Variants in ASIC2 observed in about 807,000 individuals in gnomAD.
ASIC2 encodes the protein acid sensing ion channel subunit 2.
ASIC2 carries 25 observed loss-of-function variants against 57.3 expected under a neutral mutation model. The observed-to-expected ratio is 0.44, with a 90% CI of 0.32 to 0.61. The LOEUF is 0.61. Ranked by LOEUF, ASIC2 falls within the 20% of genes least tolerant of loss-of-function variation. The pLI, the probability that ASIC2 is intolerant of heterozygous loss-of-function variation, is 0.06. For synonymous variants in ASIC2, 319 were observed against 307.5 expected (o/e 1.04, Z -0.39); for missense variants, 641 against 738.1 (o/e 0.87, Z 1.52).
chr17:33,073,560 G>A (rs910180849), intron 3 of ASIC2, among the ~76,000 whole-genome samples: 1 of 152,118 alleles, frequency 6.6e-6, no homozygotes, highest in Non-Finnish European at 1.5e-5. Flanking sequence ...GCTGGTGCAC[G>A]GTGCTCACTC....
chr17:33,846,331 G>T (rs1913599185), intron 1 of ASIC2, among the ~76,000 whole-genome samples: 1 of 152,118 alleles, frequency 6.6e-6, no homozygotes, highest in Non-Finnish European at 1.5e-5. Context: ...GCATGCCCCA[G>T]TCTCTATCAA....
intron 1 of ASIC2, among the ~76,000 whole-genome samples, chr17:33,155,307 G>T (rs1369309164): frequency 5.3e-5 from 8 of 152,222 alleles, no homozygotes; most frequent in East Asian, 1.9e-4. Flanking sequence ...TGGCAGCAAG[G>T]GTTCCTGATG....
chr17:33,371,725 A>T (rs529591160), intron 1 of ASIC2, among the ~76,000 whole-genome samples: 1 of 152,198 alleles, frequency 6.6e-6, no homozygotes. Context: ...AGAGGGTGAA[A>T]ATAAAAGAGA....
intron 1 of ASIC2, among the ~76,000 whole-genome samples, chr17:34,092,100 T>C (rs781722561): frequency 1.3e-4 from 19 of 151,444 alleles, no homozygotes; most frequent in Non-Finnish European, 1.6e-4. Context: ...CTAGGGGTGG[T>C]AGTGGATCCC....
At chr17:33,323,687 CT>C (rs1328658034) in intron 1 of ASIC2, among the ~76,000 whole-genome samples, 1 of 152,162 alleles carries the variant, frequency 6.6e-6, no homozygotes, top group South Asian at 2.1e-4. Flanking sequence ...GCACTCCAGC[CT>C]GGGTGACAGA....
intron 1 of ASIC2, among the ~76,000 whole-genome samples, chr17:34,016,466 A>G (rs966688048): frequency 6.6e-6 from 1 of 150,550 alleles, no homozygotes; most frequent in Non-Finnish European, 1.5e-5. Context: ...GCAACTGCCC[A>G]TCATGAATCC....
chr17:33,607,621 G>A (rs918885206), intron 1 of ASIC2, among the ~76,000 whole-genome samples: 11 of 152,166 alleles, frequency 7.2e-5, no homozygotes, highest in African/African-American at 1.4e-4. Context: ...ACATCTCCCC[G>A]ATGAGGGAAA....
At chr17:33,472,234 G>C (rs1913078155) in intron 1 of ASIC2, among the ~76,000 whole-genome samples, 1 of 151,846 alleles carries the variant, frequency 6.6e-6, no homozygotes, top group Non-Finnish European at 1.5e-5. Context: ...TGGCCAGTCT[G>C]GTCTCGAACT....
chr17:33,890,186 T>C (rs570937635), intron 1 of ASIC2, among the ~76,000 whole-genome samples: 2 of 152,332 alleles, frequency 1.3e-5, no homozygotes, highest in Admixed American at 6.5e-5. Context: ...GTGGCTACCT[T>C]ACTGGACAGT....
intron 1 of ASIC2, among the ~76,000 whole-genome samples, chr17:33,393,295 C>T (rs1347667886): frequency 1.3e-5 from 2 of 152,110 alleles, no homozygotes; most frequent in Admixed American, 6.5e-5. Flanking sequence ...TATGAATGAC[C>T]TGTTGTAGCC....
At chr17:33,632,832 T>C (rs1906218005) in intron 1 of ASIC2, among the ~76,000 whole-genome samples, 1 of 152,214 alleles carries the variant, frequency 6.6e-6, no homozygotes, top group African/African-American at 2.4e-5. Context: ...TAATAACAGC[T>C]GCTATTTATG....
chr17:34,117,519 G>A (rs1911462708), intron 1 of ASIC2, among the ~76,000 whole-genome samples: 1 of 152,202 alleles, frequency 6.6e-6, no homozygotes, highest in African/African-American at 2.4e-5. Context: ...CCTGAAGCAT[G>A]GGTCTCGTGG....
At position 33,730,131 on chromosome 17, in the gene ASIC2, A is replaced by G. The variant is rs1444310735; in HGVS notation, c.555+425847T>C. ...TTATGAATTCAGAAGAATGACTTTT[A>G]ATTAGCCCCTGTATAGTTTACCTGT... is the stretch of plus-strand genomic sequence containing the variant. On this transcript the variant is annotated intron_variant, in intron 1 of 9. Transcript: ENST00000359872. Among the ~76,000 whole-genome samples the G allele has an allele frequency of 2.6e-5, 4 of 152,198 alleles. No homozygotes were observed. In the South Asian group the frequency reaches 6.2e-4, roughly 24 times the overall value.
At chr17:33,691,292 T>C (rs1001479509) in intron 1 of ASIC2, among the ~76,000 whole-genome samples, 1 of 152,206 alleles carries the variant, frequency 6.6e-6, no homozygotes, top group Non-Finnish European at 1.5e-5. Flanking sequence ...TTGATGGAAA[T>C]TGATTGACTA....
chr17:33,800,762 C>T (rs1912110036), intron 1 of ASIC2, among the ~76,000 whole-genome samples: 1 of 152,178 alleles, frequency 6.6e-6, no homozygotes, highest in Admixed American at 6.5e-5. Context: ...TAGATGACCT[C>T]ATGCTAACAG....
At chr17:33,301,307 C>T (rs1379923130) in intron 1 of ASIC2, among the ~76,000 whole-genome samples, 1 of 151,922 alleles carries the variant, frequency 6.6e-6, no homozygotes, top group African/African-American at 2.4e-5. Flanking sequence ...TCCCAAAGTG[C>T]TAGGATTGCA....
rs570107676 is a variant in ASIC2, at chr17:33,217,735, A to C, written c.708+73673T>G. ...TTTGAACTTCAGGTTTCTTCTCTAT[A>C]AATCAGAGATAACAGCATCACCTTG... On this transcript the variant is annotated intron_variant, in intron 1 of 9. Transcript: ENST00000225823. Among the ~76,000 whole-genome samples, 8 of 152,348 alleles carry C rather than the reference A, an allele frequency of 5.3e-5. No homozygotes were observed. The South Asian group carries it at 1.7e-3, about 32-fold the overall frequency.
chr17:33,213,046 G>C (rs1221326070), intron 1 of ASIC2, among the ~76,000 whole-genome samples: 1 of 152,214 alleles, frequency 6.6e-6, no homozygotes, highest in African/African-American at 2.4e-5. Flanking sequence ...AGTTTGGGTA[G>C]AATATTGAGC....
chr17:33,466,549 G>A (rs1386904625), intron 1 of ASIC2, among the ~76,000 whole-genome samples: 2 of 152,060 alleles, frequency 1.3e-5, no homozygotes, highest in African/African-American at 4.8e-5. Flanking sequence ...ACAATCTTAT[G>A]GAAAAAGAAC....
Sources: allele counts gnomAD v4.1 joint callset (sites outside exome capture counted in the v4.1 genomes callset), GRCh38; gene constraint gnomAD v4.1.1; transcripts MANE v1.5; gene names NCBI Gene and HGNC (gene_info 2026-07-23, HGNC 2026-07-21).